Variants in NELL1 observed in about 807,000 individuals in gnomAD.
The protein encoded by NELL1 is protein kinase C-binding protein NELL1.
NELL1 carries 76 observed loss-of-function variants against 107.4 expected under a neutral mutation model. The observed-to-expected ratio is 0.71, with a 90% confidence interval of 0.59 to 0.86. The LOEUF is 0.86. NELL1 is among the 40% of genes least tolerant of loss of function. NELL1 has a pLI of 0.00. For synonymous variants in NELL1, 353 were observed against 341.2 expected, an observed-to-expected ratio of 1.03 and a Z score of -0.38; for missense variants, 1,024 against 1,005.5, an observed-to-expected ratio of 1.02 and a Z score of -0.25.
chr11:21,281,834 T>C (rs563296361), intron 14 of NELL1, among the ~76,000 whole-genome samples: 17 of 152,308 alleles, frequency 1.1e-4, no homozygotes, highest in African/African-American at 3.6e-4. Flanking sequence ...TCTCGTCATA[T>C]ACAAAAATAA....
At chr11:20,917,304 A>T (rs1162079619) in intron 5 of NELL1, among the ~76,000 whole-genome samples, 1 of 151,910 alleles carries the variant, frequency 6.6e-6, no homozygotes, top group East Asian at 1.9e-4. Flanking sequence ...TTCTATTAAT[A>T]TTTCCAATTA....
intron 13 of NELL1, among the ~76,000 whole-genome samples, chr11:21,215,096 G>T (rs756851404): frequency 6.6e-6 from 1 of 152,068 alleles, no homozygotes; most frequent in Admixed American, 6.6e-5. Context: ...TCCACATGTC[G>T]TGGGAGGGAC....
At chr11:21,295,484 G>A (rs1162164895) in intron 14 of NELL1, among the ~76,000 whole-genome samples, 3 of 152,020 alleles carry the variant, frequency 2.0e-5, no homozygotes, top group Non-Finnish European at 2.9e-5. Context: ...GGAATGATGT[G>A]CTATTGAAAC....
intron 15 of NELL1, among the ~76,000 whole-genome samples, chr11:21,445,138 A>T (rs2133850833): frequency 6.6e-6 from 1 of 152,276 alleles, no homozygotes; most frequent in Admixed American, 6.5e-5. Flanking sequence ...TCTTCTACAA[A>T]AACTGTTCTA....
intron 12 of NELL1, among the ~76,000 whole-genome samples, chr11:20,974,570 C>G (rs915362184): frequency 2.6e-5 from 4 of 151,814 alleles, no homozygotes; most frequent in African/African-American, 9.7e-5. Context: ...AATATTTTCT[C>G]TGAATTTGTT....
chr11:20,738,812 C>G (rs1049313252), intron 2 of NELL1, among the ~76,000 whole-genome samples: 1 of 152,168 alleles, frequency 6.6e-6, no homozygotes, highest in South Asian at 2.1e-4. Context: ...GGACCTATTT[C>G]TTTATTCCTC....
chr11:21,305,314 G>A (rs557325755), intron 14 of NELL1, among the ~76,000 whole-genome samples: 6 of 152,034 alleles, frequency 3.9e-5, no homozygotes, highest in Admixed American at 3.9e-4. Flanking sequence ...CCTTATTTAT[G>A]GTAATTGAAT....
In NELL1 at chr11:20,932,643, G is replaced by GGGTCCGCTA. The variant is rs1291109127; in HGVS notation, c.997+4165_997+4173dup. Among the ~76,000 whole-genome samples the GGGTCCGCTA allele has an allele frequency of 7.2e-5, 11 of 152,296 alleles. No homozygotes were observed. In the South Asian group the frequency reaches 1.9e-3, roughly 26 times the overall value. On this transcript the variant is annotated intron_variant, in intron 9 of 19. Coordinates refer to ENST00000357134, the MANE Select transcript of NELL1 (RefSeq NM_006157.5). ...ATTCTTCCAACAACTTTAAGTGGTAGGGTCCGCTATTATCCCCATTTTACA... is the reference window on the plus strand; with the variant it reads ...ATTCTTCCAACAACTTTAAGTGGTAGGGTCCGCTAGGTCCGCTATTATCCCCATTTTACA...
At chr11:21,497,393 T>C (rs1855010800) in intron 15 of NELL1, among the ~76,000 whole-genome samples, 1 of 152,188 alleles carries the variant, frequency 6.6e-6, no homozygotes, top group Non-Finnish European at 1.5e-5. Flanking sequence ...GTTTTTGTTA[T>C]AAGGTCTTCA....
chr11:21,357,202 C>G (rs1326292906), intron 14 of NELL1, among the ~76,000 whole-genome samples: 2 of 152,146 alleles, frequency 1.3e-5, no homozygotes, highest in Admixed American at 6.5e-5. Flanking sequence ...TGGTAGTTCT[C>G]TACTTTTAGT....
chr11:20,882,834 T>C (rs77163708), intron 4 of NELL1, among the ~76,000 whole-genome samples: 1,591 of 152,360 alleles, frequency 0.01, 22 homozygotes, highest in African/African-American at 0.036. Flanking sequence ...ATAGCTTTTA[T>C]GTCTTTTTAA....
chr11:21,386,776 T>C (rs1290794824), intron 15 of NELL1, among the ~76,000 whole-genome samples: 1 of 151,912 alleles, frequency 6.6e-6, no homozygotes, highest in African/African-American at 2.4e-5. Context: ...CCTTCGCCTT[T>C]TGGAGATGTT....
chr11:21,573,201 G>C lies in NELL1; in HGVS notation c.2174G>C (p.Cys725Ser). Reference sequence around the variant, plus strand: ...CCTCTACAGGAAGGAGAGGTAGATTGCTGGCCACTCACTTGCCCCAACTTG... The same window carrying C: ...CCTCTACAGGAAGGAGAGGTAGATTCCTGGCCACTCACTTGCCCCAACTTG... ...QCRCLEGEVD[C>S]WPLTCPNLSC... Residue 725 changes from cysteine to serine, a missense_variant, in exon 19 of 20, where the codon TGC becomes TCC. Physicochemically the swap from Cys to Ser is moderately radical, Grantham distance 112. Coordinates refer to ENST00000357134, the MANE Select transcript of NELL1 (RefSeq NM_006157.5). 6.2e-7 allele frequency: 1 copy of C among 1,611,786 alleles called. No homozygotes were observed. Among genetic ancestry groups the C allele is most frequent in the South Asian group, 1.1e-5 (1 of 91,020 alleles).
chr11:21,112,224 A>G (rs992473747), intron 12 of NELL1, among the ~76,000 whole-genome samples: 6 of 151,648 alleles, frequency 4.0e-5, no homozygotes, highest in African/African-American at 1.5e-4. Flanking sequence ...GATCTCAATG[A>G]CCTCGCAATA....
At chr11:20,773,052 A>AT (rs1042508325) in intron 2 of NELL1, among the ~76,000 whole-genome samples, 1 of 152,168 alleles carries the variant, frequency 6.6e-6, no homozygotes, top group Non-Finnish European at 1.5e-5. Context: ...TCTCTGCCCA[A>AT]TTTTCAATTT....
In NELL1 at chr11:20,953,147, A is replaced by C. The variant is rs192397813; in HGVS notation, c.1171+5712A>C. Reference sequence around the variant, plus strand: ...TGGAATATGCTGCCCTCACTATACCATTGCTCCTTACGTGAATTTCAAGGT... The same window carrying C: ...TGGAATATGCTGCCCTCACTATACCCTTGCTCCTTACGTGAATTTCAAGGT... On this transcript the variant is annotated intron_variant, in intron 11 of 19. Coordinates refer to ENST00000357134, the MANE Select transcript of NELL1 (RefSeq NM_006157.5). Among the ~76,000 whole-genome samples the C allele has an allele frequency of 1.9e-3, 286 of 152,276 alleles. 2 individuals are homozygous for C. Among genetic ancestry groups the C allele is most frequent in the Non-Finnish European group, 3.4e-3 (229 of 68,012 alleles).
rs186774308 is a variant in NELL1 at position 20,880,015 on chromosome 11, T to C, written c.507-5429T>C. Reference sequence around the variant, plus strand: ...ATATCAGATTAAACAGCAACAGAAATGAATTTTTTTTTCTGTTACATATTA... The same window carrying C: ...ATATCAGATTAAACAGCAACAGAAACGAATTTTTTTTTCTGTTACATATTA... On this transcript the variant is annotated intron_variant, in intron 4 of 19. Coordinates refer to ENST00000357134, the MANE Select transcript of NELL1 (RefSeq NM_006157.5). Among the ~76,000 whole-genome samples the C allele has an allele frequency of 2.6e-3, 389 of 152,094 alleles. 1 individual carries two copies. The highest frequency in any genetic ancestry group is 0.016 in the East Asian group (85 of 5,184).
intron 17 of NELL1, among the ~76,000 whole-genome samples, chr11:21,560,664 A>G (rs1367651340): frequency 6.6e-6 from 1 of 152,076 alleles, no homozygotes. Context: ...CTGAAAGCCT[A>G]CAGTGCTTTT....
chr11:20,830,455 G>C (rs1422259051), intron 3 of NELL1, among the ~76,000 whole-genome samples: 1 of 150,480 alleles, frequency 6.6e-6, no homozygotes, highest in East Asian at 2.1e-4. Flanking sequence ...TCCTGCCTCA[G>C]CCTCCCAAGT....
Sources: gnomAD v4.1 joint callset for allele counts (sites outside exome capture counted in the v4.1 genomes callset) on GRCh38, gnomAD v4.1.1 for gene constraint, MANE v1.5 for transcripts, NCBI Gene and HGNC (gene_info 2026-07-23, HGNC 2026-07-21) for gene names.